Variants in CDH18 observed in about 807,000 individuals in gnomAD.
CDH18 encodes cadherin-18.
In CDH18, 31 loss-of-function variants were observed where a neutral mutation model predicts 67.9. The ratio of observed to expected loss-of-function variants is 0.46; its 90% confidence interval spans 0.34 to 0.62. The LOEUF is 0.62. Among genes scored for constraint, CDH18 ranks in the 20% least tolerant of loss-of-function variants. The pLI, the probability that CDH18 is intolerant of heterozygous loss-of-function variation, is 0.01. For missense variants in CDH18, 890 were observed against 975.5 expected (o/e 0.91, Z 1.17); for synonymous variants, 362 against 347.2 (o/e 1.04, Z -0.48).
chr5:19,709,990 C>T (rs1013563089), intron 5 of CDH18, among the ~76,000 whole-genome samples: 4 of 151,922 alleles, frequency 2.6e-5, no homozygotes, highest in Admixed American at 1.3e-4. Context: ...ACAAAATTTG[C>T]CAGGCATGGT....
chr5:20,408,509 A>T (rs983319297), intron 1 of CDH18, among the ~76,000 whole-genome samples: 73 of 152,108 alleles, frequency 4.8e-4, no homozygotes, highest in African/African-American at 1.7e-3. Context: ...TTAAGTTCTG[A>T]TTAGTGCAAA....
chr5:19,528,477 T>C lies in CDH18; in HGVS notation c.1391-7699A>G, dbSNP rs144616415. Among the ~76,000 whole-genome samples, 1,255 of 151,734 alleles carry C rather than the reference T, an allele frequency of 8.3e-3. 11 individuals carry two copies. Among genetic ancestry groups the C allele is most frequent in the South Asian group, 0.031 (151 of 4,826 alleles). ...GTTAATTAAAGCAAAACAGCTACTA[T>C]GTAAAATAATTAATAAAAATAATGA... On this transcript the variant is annotated intron_variant, in intron 9 of 12. Transcript: ENST00000382275.
chr5:20,172,226 A>ATATG lies in CDH18; in HGVS notation c.-518+83217_-518+83218insCATA, dbSNP rs1554098789. ...TATATATATATATATATATATATGT[A>ATATG]TATATATATATATGTATATATATAT... On this transcript the variant is annotated intron_variant, in intron 2 of 14. Transcript: ENST00000507958. Among the ~76,000 whole-genome samples the ATATG allele has an allele frequency of 4.2e-3, 443 of 105,716 alleles. 5 individuals carry two copies. The highest frequency in any genetic ancestry group is 6.5e-3 in the African/African-American group (152 of 23,364). 69.4% of individuals were successfully genotyped at this position (105,716 alleles called of 152,430 possible).
chr5:19,758,088 G>T (rs1771848081), intron 3 of CDH18, among the ~76,000 whole-genome samples: 1 of 152,114 alleles, frequency 6.6e-6, no homozygotes, highest in Non-Finnish European at 1.5e-5. Context: ...GAGACCATGG[G>T]CATTTGAGCC....
At chr5:20,324,527 C>T in intron 1 of CDH18, among the ~76,000 whole-genome samples, 1 of 147,564 alleles carries the variant, frequency 6.8e-6, no homozygotes, top group East Asian at 2.0e-4. Flanking sequence ...GGCAACAGAG[C>T]AAGACTCCGT....
rs527370556 is a variant in CDH18, at chr5:20,176,470, G to A, written c.-518+78974C>T. Among the ~76,000 whole-genome samples, 56 of 152,224 alleles carry A rather than the reference G, an allele frequency of 3.7e-4. 1 individual carries two copies. The highest frequency in any genetic ancestry group is 1.3e-3 in the African/African-American group (53 of 41,554). Reference sequence around the variant, plus strand: ...CTAATGACTGCATAGTTAAAAGAAAGTGGACATAATAGTTTTAGTTGTTAT... The same window carrying A: ...CTAATGACTGCATAGTTAAAAGAAAATGGACATAATAGTTTTAGTTGTTAT... On this transcript the variant is annotated intron_variant, in intron 2 of 14. Transcript: ENST00000507958.
In CDH18 at chr5:19,799,435, AACACAC is replaced by A. The variant is rs10545142; in HGVS notation, c.228+39318_228+39323del. On this transcript the variant is annotated intron_variant, in intron 3 of 12. Transcript: ENST00000382275. ...GAATGTTCCCATGTTAAATATTCTC[AACACAC>A]ACACACACACACACACACACACACA... Among the ~76,000 whole-genome samples, 666 of 143,706 alleles carry A rather than the reference AACACAC, an allele frequency of 4.6e-3. 2 individuals are homozygous for A. The highest frequency in any genetic ancestry group is 0.015 in the Middle Eastern group (4 of 274). The allele number at this position is 143,706 out of a possible 152,430, so 94.3% of individuals were successfully genotyped here.
intron 2 of CDH18, among the ~76,000 whole-genome samples, chr5:20,143,264 A>C (rs1434728590): frequency 6.6e-6 from 1 of 152,212 alleles, no homozygotes; most frequent in Non-Finnish European, 1.5e-5. Flanking sequence ...ACTGAAGGAA[A>C]GGTGAACCTT....
chr5:20,401,798 C>T (rs1469421068), intron 1 of CDH18, among the ~76,000 whole-genome samples: 5 of 152,120 alleles, frequency 3.3e-5, no homozygotes, highest in African/African-American at 1.2e-4. Context: ...ATTTCCATAA[C>T]TGGTTTTGAT....
At chr5:19,623,548 T>A (rs539698665) in intron 5 of CDH18, among the ~76,000 whole-genome samples, 17 of 152,156 alleles carry the variant, frequency 1.1e-4, no homozygotes, top group Admixed American at 7.2e-4. Context: ...AGACATATGA[T>A]GCTTATTTAT....
intron 11 of CDH18, among the ~76,000 whole-genome samples, chr5:19,489,644 T>G (rs941894283): frequency 3.9e-5 from 6 of 152,186 alleles, no homozygotes; most frequent in Admixed American, 3.9e-4. Flanking sequence ...CACGAAAACA[T>G]CTTTTTCTGC....
chr5:20,135,011 A>G lies in CDH18; in HGVS notation c.-518+120433T>C, dbSNP rs80208268. Among the ~76,000 whole-genome samples the G allele has an allele frequency of 2.2e-3, 338 of 152,094 alleles. 1 individual carries two copies. The highest frequency in any genetic ancestry group is 7.6e-3 in the African/African-American group (316 of 41,496). Reference sequence around the variant, plus strand: ...ACATATGCTATTTCCTTGACCTCTGATGACTGTATATTTATTTTTCCCCAT... The same window carrying G: ...ACATATGCTATTTCCTTGACCTCTGGTGACTGTATATTTATTTTTCCCCAT... On this transcript the variant is annotated intron_variant, in intron 2 of 14. Transcript: ENST00000507958.
At chr5:20,277,161 G>A (rs1745872247) in intron 1 of CDH18, among the ~76,000 whole-genome samples, 1 of 152,126 alleles carries the variant, frequency 6.6e-6, no homozygotes. Context: ...GTGAACACAG[G>A]CGGTAGCCAG....
intron 5 of CDH18, among the ~76,000 whole-genome samples, chr5:19,619,481 T>TCATGGAAAGGGCACTTGACATGAACCCA (rs1750361245): frequency 6.6e-6 from 1 of 152,102 alleles, no homozygotes; most frequent in African/African-American, 2.4e-5. Flanking sequence ...AGCAGGGTAT[T>TCATGGAAAGGGCACTTGACATGAACCCA]CATGGAAAGG....
intron 1 of CDH18, among the ~76,000 whole-genome samples, chr5:20,277,436 A>G (rs1745894097): frequency 6.6e-6 from 1 of 152,188 alleles, no homozygotes; most frequent in Non-Finnish European, 1.5e-5. Context: ...TTCAAGAGCC[A>G]CACCATTACT....
At chr5:20,283,607 C>G (rs1465467017) in intron 1 of CDH18, among the ~76,000 whole-genome samples, 1 of 151,896 alleles carries the variant, frequency 6.6e-6, no homozygotes, top group East Asian at 1.9e-4. Flanking sequence ...ATAATAAATG[C>G]TGGTTAAGTA....
intron 7 of CDH18, among the ~76,000 whole-genome samples, chr5:19,584,933 G>A (rs978803017): frequency 2.0e-5 from 3 of 151,386 alleles, no homozygotes; most frequent in Non-Finnish European, 4.4e-5. Context: ...GGACCGAGGC[G>A]GCAGTGAGTC....
At chr5:19,522,965 C>A (rs347730) in intron 9 of CDH18, among the ~76,000 whole-genome samples, 1 of 149,732 alleles carries the variant, frequency 6.7e-6, no homozygotes, top group Non-Finnish European at 1.5e-5. Flanking sequence ...TAACACCCTA[C>A]GACTATGTCA....
intron 1 of CDH18, among the ~76,000 whole-genome samples, chr5:20,486,813 AT>A (rs145112131): frequency 0.038 from 5,718 of 151,972 alleles, 109 homozygotes; most frequent in Admixed American, 0.044. Flanking sequence ...AAAATTTTCT[AT>A]TTCTTTTATG....
Sources: allele counts gnomAD v4.1 joint callset (sites outside exome capture counted in the v4.1 genomes callset), GRCh38; gene constraint gnomAD v4.1.1; transcripts MANE v1.5; gene names NCBI Gene and HGNC (gene_info 2026-07-23, HGNC 2026-07-21).